ANO4: variants seen among roughly 807,000 people sequenced by gnomAD.
ANO4 encodes anoctamin-4.
A neutral mutation model predicts 141.9 loss-of-function variants in ANO4; 69 were observed. The observed-to-expected ratio is 0.49, with a 90% CI of 0.40 to 0.59. The LOEUF (loss-of-function observed/expected upper bound fraction) is 0.59, where lower values mean the gene tolerates loss of function less well. ANO4 is among the 20% of genes least tolerant of loss of function. The pLI is 0.00. For synonymous variants in ANO4, 350 were observed against 394.3 expected, an observed-to-expected ratio of 0.89 and a Z score of 1.33; for missense variants, 894 against 1,162.2, an observed-to-expected ratio of 0.77 and a Z score of 3.36.
intron 1 of ANO4, among the ~76,000 whole-genome samples, chr12:100,862,153 C>T (rs903955660): frequency 6.6e-6 from 1 of 152,112 alleles, no homozygotes; most frequent in African/African-American, 2.4e-5. Context: ...CCTCAAACAC[C>T]TGGGCTCAAG....
At chr12:100,734,124 C>T (rs1316265319) in intron 2 of ANO4, among the ~76,000 whole-genome samples, 2 of 152,166 alleles carry the variant, frequency 1.3e-5, no homozygotes, top group Admixed American at 1.3e-4. Flanking sequence ...TTGCTTTAAC[C>T]CTTTTGTTTT....
intron 9 of ANO4, among the ~76,000 whole-genome samples, chr12:101,021,930 A>T (rs1038407626): frequency 3.3e-5 from 5 of 152,108 alleles, no homozygotes; most frequent in African/African-American, 1.2e-4. Flanking sequence ...TCAGCAAAAC[A>T]ACTACCTTGG....
intron 2 of ANO4, among the ~76,000 whole-genome samples, chr12:100,903,835 T>C (rs986873551): frequency 6.6e-6 from 1 of 152,230 alleles, no homozygotes; most frequent in Non-Finnish European, 1.5e-5. Flanking sequence ...AACACCTTCA[T>C]TGCAGCACTA....
intron 1 of ANO4, among the ~76,000 whole-genome samples, chr12:100,889,654 G>A (rs1198568196): frequency 6.6e-6 from 1 of 152,160 alleles, no homozygotes; most frequent in Non-Finnish European, 1.5e-5. Context: ...ATCATCACTG[G>A]CCATCAGAGA....
chr12:101,041,211 G>A (rs1214005086), intron 11 of ANO4, among the ~76,000 whole-genome samples: 1 of 152,150 alleles, frequency 6.6e-6, no homozygotes, highest in Admixed American at 6.5e-5. Context: ...GAGCCCAGAG[G>A]GGAGGACAAA....
chr12:100,718,947 C>T (rs1837862491), intron 1 of ANO4, among the ~76,000 whole-genome samples: 1 of 152,142 alleles, frequency 6.6e-6, no homozygotes, highest in Non-Finnish European at 1.5e-5. Context: ...ATTTTGTATG[C>T]TGCCCCATGG....
intron 8 of ANO4, among the ~76,000 whole-genome samples, chr12:100,997,764 G>A (rs1056670049): frequency 2.0e-5 from 3 of 152,098 alleles, no homozygotes; most frequent in African/African-American, 7.2e-5. Context: ...CATAGGTAAT[G>A]GGTTGCTTTT....
At chr12:101,024,531 G>A (rs546506452) in intron 9 of ANO4, among the ~76,000 whole-genome samples, 2 of 152,184 alleles carry the variant, frequency 1.3e-5, no homozygotes, top group Non-Finnish European at 2.9e-5. Context: ...GGGAGGCAGA[G>A]GTTGCAGTGA....
chr12:101,106,106 C>CA (rs1011541115), intron 22 of ANO4, among the ~76,000 whole-genome samples: 12 of 150,370 alleles, frequency 8.0e-5, no homozygotes, highest in African/African-American at 2.7e-4. Flanking sequence ...AACTCTGTCT[C>CA]AAAAAAAAGA....
Position 100,732,079 on chromosome 12 carries a change from C to T in ANO4, c.23-1695C>T, listed in dbSNP as rs187165607. Among the ~76,000 whole-genome samples the T allele has an allele frequency of 8.2e-4, 125 of 152,316 alleles. 1 individual carries two copies. Among genetic ancestry groups the T allele is most frequent in the Admixed American group, 1.6e-3 (25 of 15,308 alleles). The stretch of plus-strand genomic sequence containing the variant: ...AGGTTTTTGGATGGGCGTAAGTTTT[C>T]AGCTTCTTTCAGTAAATACCAAATA... On this transcript the variant is annotated intron_variant, in intron 1 of 29. Coordinates refer to the ANO4 transcript ENST00000644049.
intron 2 of ANO4, among the ~76,000 whole-genome samples, chr12:100,919,588 G>T (rs898269322): frequency 4.0e-5 from 6 of 151,342 alleles, no homozygotes; most frequent in South Asian, 2.1e-4. Context: ...TATGATCTTT[G>T]CACAATGATG....
intron 1 of ANO4, among the ~76,000 whole-genome samples, chr12:100,832,911 C>A (rs545227774): frequency 3.9e-5 from 6 of 152,130 alleles, no homozygotes; most frequent in Non-Finnish European, 8.8e-5. Context: ...TGTTTATTTT[C>A]TGCTAACACT....
At chr12:100,762,643 G>T (rs2032915887) in intron 3 of ANO4, among the ~76,000 whole-genome samples, 1 of 152,156 alleles carries the variant, frequency 6.6e-6, no homozygotes, top group African/African-American at 2.4e-5. Context: ...GTAGTCAAAG[G>T]AAAGTGCAAG....
At position 100,758,927 on chromosome 12, in the gene ANO4, C is replaced by G. The variant is rs990604609; in HGVS notation, c.358+18822C>G. Reference sequence around the variant, plus strand: ...TTGTGTCTGTCTTCCCTTTTTCTGTCTCTTATACAAACACCTGTCATTGGA... The same window carrying G: ...TTGTGTCTGTCTTCCCTTTTTCTGTGTCTTATACAAACACCTGTCATTGGA... On this transcript the variant is annotated intron_variant, in intron 3 of 29. Transcript: ENST00000644049. 2.0e-5 allele frequency among the ~76,000 whole-genome samples: 3 copies of G among 152,104 alleles called. No individual in the cohort carries two copies. In the South Asian group the frequency reaches 6.2e-4, roughly 32 times the overall value.
At chr12:100,946,678 A>T (rs534834213) in intron 5 of ANO4, among the ~76,000 whole-genome samples, 1 of 152,304 alleles carries the variant, frequency 6.6e-6, no homozygotes, top group East Asian at 1.9e-4. Flanking sequence ...AAGATAGAAG[A>T]GTCTGGGATT....
chr12:100,914,064 T>C (rs995340800), intron 2 of ANO4, among the ~76,000 whole-genome samples: 13 of 152,172 alleles, frequency 8.5e-5, no homozygotes, highest in African/African-American at 2.9e-4. Flanking sequence ...ATCTAGGAGA[T>C]TGGAAGACAC....
chr12:100,990,161 G>A (rs2045023512), intron 8 of ANO4, among the ~76,000 whole-genome samples: 1 of 150,468 alleles, frequency 6.6e-6, no homozygotes, highest in South Asian at 2.1e-4. Flanking sequence ...ATGAGATATA[G>A]GTAAATGGAA....
At chr12:101,013,804 G>A (rs539421551) in intron 8 of ANO4, among the ~76,000 whole-genome samples, 13 of 152,286 alleles carry the variant, frequency 8.5e-5, no homozygotes, top group Admixed American at 7.2e-4. Context: ...CTATTAAACA[G>A]TGCTGGAGTC....
At chr12:101,062,052 C>T (rs975089240) in intron 14 of ANO4, among the ~76,000 whole-genome samples, 3 of 152,160 alleles carry the variant, frequency 2.0e-5, no homozygotes, top group Non-Finnish European at 4.4e-5. Flanking sequence ...TGGTGATCTT[C>T]ACCTGGGGTT....
Sources: allele counts gnomAD v4.1 joint callset (sites outside exome capture counted in the v4.1 genomes callset), GRCh38; gene constraint gnomAD v4.1.1; transcripts MANE v1.5; gene names NCBI Gene and HGNC (gene_info 2026-07-23, HGNC 2026-07-21).